The following DENND4C variants were observed in gnomAD, a reference collection of about 807,000 sequenced individuals.
DENND4C encodes the protein DENN domain-containing protein 4C.
Under a neutral mutation model 203.0 loss-of-function variants are expected in DENND4C, and 108 were observed. The observed-to-expected ratio is 0.53, with a 90% CI of 0.46 to 0.62. The LOEUF (loss-of-function observed/expected upper bound fraction) is 0.62, where lower values mean the gene tolerates loss of function less well. DENND4C is among the 20% of genes least tolerant of loss of function. DENND4C has a pLI of 0.00. For synonymous variants in DENND4C, 871 were observed against 792.4 expected (o/e 1.10, Z -1.67); for missense variants, 2,481 against 2,301.2 (o/e 1.08, Z -1.60).
chr9:19,356,182 A>G (rs955086751), intron 26 of DENND4C, among the ~76,000 whole-genome samples: 3 of 152,084 alleles, frequency 2.0e-5, no homozygotes, highest in Non-Finnish European at 2.9e-5. Context: ...CTCTCCACCA[A>G]TCTATCTTAA....
intron 17 of DENND4C, among the ~76,000 whole-genome samples, chr9:19,334,660 G>A (rs1820034745): frequency 6.6e-6 from 1 of 151,558 alleles, no homozygotes; most frequent in South Asian, 2.1e-4. Flanking sequence ...CAAGTAGCTG[G>A]GATTACAGGT....
chr9:19,282,441 A>T (rs1028516995), intron 2 of DENND4C, among the ~76,000 whole-genome samples: 2 of 150,214 alleles, frequency 1.3e-5, no homozygotes, highest in African/African-American at 2.4e-5. Flanking sequence ...TTTTGTAGAG[A>T]TGGGGTTTCG....
At chr9:19,294,250 A>G (rs1473010750) in intron 5 of DENND4C, among the ~76,000 whole-genome samples, 1 of 152,076 alleles carries the variant, frequency 6.6e-6, no homozygotes, top group African/African-American at 2.4e-5. Flanking sequence ...AGGGAATGCT[A>G]GTATTTAAAT....
intron 9 of DENND4C, among the ~76,000 whole-genome samples, chr9:19,302,266 C>T (rs1838744121): frequency 1.3e-5 from 2 of 152,068 alleles, no homozygotes; most frequent in African/African-American, 4.8e-5. Flanking sequence ...ATTTAAATAT[C>T]AAAGAATATC....
chr9:19,323,103 G>A (rs984327145), intron 12 of DENND4C, among the ~76,000 whole-genome samples: 1 of 152,040 alleles, frequency 6.6e-6, no homozygotes, highest in African/African-American at 2.4e-5. Context: ...CCAGGAATTC[G>A]AGACCAGCCT....
intron 1 of DENND4C, among the ~76,000 whole-genome samples, chr9:19,236,809 C>G (rs1822080664): frequency 6.6e-6 from 1 of 152,162 alleles, no homozygotes; most frequent in African/African-American, 2.4e-5. Flanking sequence ...AGTCTACTTT[C>G]AAATTTTTTC....
chr9:19,280,124 T>A (rs1233253588), intron 2 of DENND4C, among the ~76,000 whole-genome samples: 2 of 98,268 alleles, frequency 2.0e-5, no homozygotes, highest in Non-Finnish European at 4.3e-5. Flanking sequence ...CTTCCTGCCT[T>A]CCTGCCTACC....
intron 20 of DENND4C, among the ~76,000 whole-genome samples, chr9:19,339,954 C>T (rs1435785235): frequency 2.6e-5 from 4 of 151,874 alleles, no homozygotes; most frequent in Non-Finnish European, 5.9e-5. Flanking sequence ...TCAGATTATC[C>T]CCGTGTTGGC....
intron 1 of DENND4C, among the ~76,000 whole-genome samples, chr9:19,249,011 G>A (rs1294006551): frequency 6.6e-6 from 1 of 151,920 alleles, no homozygotes; most frequent in Non-Finnish European, 1.5e-5. Context: ...TGTTGGTCCC[G>A]AACACCTGAC....
At position 19,327,044 on chromosome 9, in the gene DENND4C, G is replaced by A. The variant is rs185296458; in HGVS notation, c.2120+850G>A. Among the ~76,000 whole-genome samples the A allele has an allele frequency of 1.3e-3, 191 of 152,152 alleles. 2 individuals are homozygous for A. Among genetic ancestry groups the A allele is most frequent in the Non-Finnish European group, 2.8e-4 (19 of 67,942 alleles). On this transcript the variant is annotated intron_variant, in intron 15 of 32. Coordinates refer to ENST00000434457, the MANE Select transcript of DENND4C (RefSeq NM_001330640.2). ...GTACATCCCAAAATAGAGAATTAAT[G>A]TATAATATCAAGAGGACTGGATCAG...
At chr9:19,266,973 T>G (rs534930795) in intron 1 of DENND4C, among the ~76,000 whole-genome samples, 21 of 152,284 alleles carry the variant, frequency 1.4e-4, no homozygotes, top group African/African-American at 4.6e-4. Context: ...GTCAGAGACC[T>G]ATTTGACGTA....
rs74855401 is a variant in DENND4C, at chr9:19,297,656, A to C, written c.1041-400A>C. 1.3e-3 allele frequency among the ~76,000 whole-genome samples: 202 copies of C among 152,302 alleles called. 3 individuals carry two copies. Among genetic ancestry groups the C allele is most frequent in the Middle Eastern group, 6.8e-3 (2 of 294 alleles). ...TTATAGGTGCAAAAATAGAATGGGT[A>C]GGTGGTTCATCCAGTGTTAGAGGAG... On this transcript the variant is annotated intron_variant, in intron 6 of 32. Coordinates refer to ENST00000434457, the MANE Select transcript of DENND4C (RefSeq NM_001330640.2).
At chr9:19,268,962 T>C (rs1437530305) in intron 1 of DENND4C, among the ~76,000 whole-genome samples, 1 of 152,178 alleles carries the variant, frequency 6.6e-6, no homozygotes, top group African/African-American at 2.4e-5. Context: ...TACTTGAATA[T>C]TGATATCTTT....
At chr9:19,326,740 A>T (rs942424161) in intron 15 of DENND4C, among the ~76,000 whole-genome samples, 2 of 152,072 alleles carry the variant, frequency 1.3e-5, no homozygotes, top group Admixed American at 6.6e-5. Context: ...AATTGTAGGT[A>T]TGTATGTATC....
intron 2 of DENND4C, among the ~76,000 whole-genome samples, chr9:19,286,144 T>A (rs895269423): frequency 6.6e-6 from 1 of 152,198 alleles, no homozygotes; most frequent in Admixed American, 6.5e-5. Flanking sequence ...ACTTTATTAA[T>A]CTATTTGGGG....
chr9:19,332,970 T>C (rs1819614777), intron 17 of DENND4C, among the ~76,000 whole-genome samples: 1 of 150,572 alleles, frequency 6.6e-6, no homozygotes, highest in African/African-American at 2.4e-5. Flanking sequence ...GGCTCTCCAC[T>C]TAGGACCTGT....
At chr9:19,248,160 A>C (rs2131565718) in intron 1 of DENND4C, among the ~76,000 whole-genome samples, 1 of 152,256 alleles carries the variant, frequency 6.6e-6, no homozygotes, top group South Asian at 2.1e-4. Flanking sequence ...AAAAAATCCA[A>C]AGACCTAGTC....
chr9:19,306,936 C>T (rs1017371881), intron 10 of DENND4C, among the ~76,000 whole-genome samples: 6 of 151,866 alleles, frequency 4.0e-5, no homozygotes, highest in Non-Finnish European at 4.4e-5. Flanking sequence ...CGTGTGCCAC[C>T]ACACCTGGCT....
chr9:19,320,780 C>A, intron 12 of DENND4C, among the ~76,000 whole-genome samples: 2 of 152,340 alleles, frequency 1.3e-5, no homozygotes, highest in Middle Eastern at 3.4e-3. Flanking sequence ...CTCACTCATT[C>A]ATTGTAGTTC....
Sources: allele counts gnomAD v4.1 joint callset (sites outside exome capture counted in the v4.1 genomes callset), GRCh38; gene constraint gnomAD v4.1.1; transcripts MANE v1.5; gene names NCBI Gene and HGNC (gene_info 2026-07-23, HGNC 2026-07-21).